SLC6A2: variants seen among roughly 807,000 people sequenced by gnomAD.
SLC6A2 encodes the protein sodium-dependent noradrenaline transporter.
In SLC6A2, 26 loss-of-function variants were observed where a neutral mutation model predicts 71.7. The ratio of observed to expected loss-of-function variants is 0.36; its 90% confidence interval spans 0.27 to 0.50. The LOEUF (loss-of-function observed/expected upper bound fraction) is 0.50, where lower values mean the gene tolerates loss of function less well. SLC6A2 is among the 20% of genes least tolerant of loss of function. The pLI is 0.96. For missense variants in SLC6A2, 581 were observed against 803.9 expected (o/e 0.72, Z 3.35); for synonymous variants, 363 against 337.9 (o/e 1.07, Z -0.82).
At chr16:55,659,948 G>C (rs12927829) in intron 2 of SLC6A2, among the ~76,000 whole-genome samples, 13,731 of 151,824 alleles carry the variant, frequency 0.09, 760 homozygotes, top group Non-Finnish European at 0.12. Flanking sequence ...CTCATGGAGA[G>C]CCTGGCATGG....
At chr16:55,700,416 T>A in intron 13 of SLC6A2, 110 bp downstream of exon 13, 2 of 981,152 alleles carry the variant, frequency 2.0e-6, no homozygotes, top group Non-Finnish European at 3.0e-6. Context: ...ACACAGACAC[T>A]AGGGTCAAAC....
At chr16:55,679,655 A>T (rs747828276) in intron 4 of SLC6A2, among the ~76,000 whole-genome samples, 4 of 152,202 alleles carry the variant, frequency 2.6e-5, no homozygotes, top group Non-Finnish European at 4.4e-5. Flanking sequence ...CAGGATGAGA[A>T]GTTAGCCAGG....
chr16:55,677,279 T>C (rs1162940491), intron 4 of SLC6A2, among the ~76,000 whole-genome samples: 1 of 151,818 alleles, frequency 6.6e-6, no homozygotes, highest in African/African-American at 2.4e-5. Flanking sequence ...GTGGTAAAGA[T>C]AGTGGAGCAG....
intron 2 of SLC6A2, among the ~76,000 whole-genome samples, chr16:55,659,635 T>C (rs1375878097): frequency 6.6e-6 from 1 of 152,190 alleles, no homozygotes; most frequent in Non-Finnish European, 1.5e-5. Flanking sequence ...ATCACAGGAA[T>C]GTGGTAGAAG....
At chr16:55,679,754 C>G (rs1180221703) in intron 4 of SLC6A2, among the ~76,000 whole-genome samples, 1 of 152,172 alleles carries the variant, frequency 6.6e-6, no homozygotes, top group African/African-American at 2.4e-5. Context: ...TAACTGGGGA[C>G]TGACAAGTAG....
rs766245324 is a variant in SLC6A2, at chr16:55,685,161, T to G, written c.663T>G (p.Leu221=). The G allele has an allele frequency of 3.1e-6, 5 of 1,614,188 alleles. No homozygotes were observed. The South Asian group carries it at 4.4e-5, about 14-fold the overall frequency. The part of the protein sequence containing the change: ...AEFYERGVLH[L]HESSGIHDIG... ...TGGGCAGGCGTGGTGTCCTGCACCT[T>G]CACGAGAGCAGCGGGATTCATGACA... The change falls in exon 5 of 15, where the codon CTT becomes CTG. Residue 221 remains leucine (L), a synonymous_variant. Coordinates refer to ENST00000568943, the MANE Select transcript of SLC6A2 (RefSeq NM_001172501.3).
chr16:55,699,514 A>G (rs1271083733), intron 11 of SLC6A2, 40 bp from the exon 12 acceptor site: 1 of 1,530,262 alleles, frequency 6.5e-7, no homozygotes, highest in East Asian at 2.3e-5. Flanking sequence ...CCTGGCTATC[A>G]TGGGGGCCAT....
intron 5 of SLC6A2, among the ~76,000 whole-genome samples, chr16:55,689,452 A>AT (rs1459718107): frequency 6.6e-6 from 1 of 152,228 alleles, no homozygotes; most frequent in Non-Finnish European, 1.5e-5. Context: ...AACATGGCCA[A>AT]TGCAGGACCA....
At chr16:55,665,933 C>T (rs1964737666) in intron 2 of SLC6A2, among the ~76,000 whole-genome samples, 1 of 152,218 alleles carries the variant, frequency 6.6e-6, no homozygotes, top group African/African-American at 2.4e-5. Context: ...TTCAGAGTTT[C>T]TTTCATGGTC....
chr16:55,657,609 C>T (rs1964494806), intron 2 of SLC6A2, among the ~76,000 whole-genome samples: 1 of 152,128 alleles, frequency 6.6e-6, no homozygotes, highest in Non-Finnish European at 1.5e-5. Context: ...CCAGTAGGTG[C>T]CAAGAACTGG....
rs1966004216 is a variant in SLC6A2 at position 55,702,519 on chromosome 16, T to G, written c.*173T>G. On this transcript the variant is annotated 3_prime_UTR_variant, in exon 15 of 15. Transcript: ENST00000568943. ...TCGTGACTGTAGTTTTTGTTCACCT[T>G]CTGTGCATCTGGCCTGGGGGCTGTT... The G allele has an allele frequency of 6.6e-7, 1 of 1,515,508 alleles. No homozygotes were observed. Among genetic ancestry groups the G allele is most frequent in the Admixed American group, 2.0e-5 (1 of 49,524 alleles). 93.9% of individuals were successfully genotyped at this position (1,515,508 alleles called of 1,614,324 possible). A position where few individuals can be genotyped will look rare whatever the true frequency, so the allele number is the denominator to read the frequency against.
At chr16:55,664,322 G>A (rs542600015) in intron 2 of SLC6A2, among the ~76,000 whole-genome samples, 1 of 152,238 alleles carries the variant, frequency 6.6e-6, no homozygotes, top group South Asian at 2.1e-4. Context: ...TAGGTAATGG[G>A]GCTGGCTGTG....
Position 55,695,632 on chromosome 16 carries a change from C to T in SLC6A2, c.1147+230C>T, listed in dbSNP as rs77989034. Among the ~76,000 whole-genome samples, 440 of 152,288 alleles carry T rather than the reference C, an allele frequency of 2.9e-3. 1 individual carries two copies. Among genetic ancestry groups the T allele is most frequent in the African/African-American group, 0.01 (424 of 41,556 alleles). The stretch of plus-strand genomic sequence containing the variant: ...TTCCTCTGAGTCAGGGTGGAAGGAA[C>T]GGATTTTGGACTGTCCTCTCTGTAC... On this transcript the variant is annotated intron_variant, in intron 8 of 14. Transcript: ENST00000568943.
In SLC6A2 at chr16:55,706,126, T is replaced by G. The variant is rs1479252730; in HGVS notation, c.*3780T>G. On this transcript the variant is annotated 3_prime_UTR_variant, in exon 15 of 15. Transcript: ENST00000568943. The stretch of plus-strand genomic sequence containing the variant: ...CAGATTTCTGTGTCTGATATGGATT[T>G]TAAAAGTTGTTCTCTTTGTGGAATA... 6.6e-6 allele frequency: 1 copy of G among 152,286 alleles called. No homozygotes were observed. Among genetic ancestry groups the G allele is most frequent in the African/African-American group, 2.4e-5 (1 of 41,470 alleles). 9.4% of individuals were successfully genotyped at this position (152,286 alleles called of 1,614,324 possible). A position where few individuals can be genotyped will look rare whatever the true frequency, so the allele number is the denominator to read the frequency against.
At chr16:55,677,389 T>G (rs1264466986) in intron 4 of SLC6A2, among the ~76,000 whole-genome samples, 1 of 152,188 alleles carries the variant, frequency 6.6e-6, no homozygotes, top group Non-Finnish European at 1.5e-5. Context: ...ACCCTTGTTT[T>G]ACAAATTAAA....
chr16:55,695,478 G>C, intron 8 of SLC6A2, 76 bp downstream of exon 8: 1 of 1,515,148 alleles, frequency 6.6e-7, no homozygotes, highest in Non-Finnish European at 9.1e-7. Flanking sequence ...TGGCTGCATG[G>C]CTCTTCCGTG....
At position 55,705,119 on chromosome 16, in the gene SLC6A2, AT is replaced by A; in HGVS notation, c.*2778del. 1.0e-6 allele frequency: 1 copy of A among 984,868 alleles called. No homozygotes were observed. The highest frequency in any genetic ancestry group is 2.0e-5 in the Admixed American group (1 of 48,956). 61.0% of individuals were successfully genotyped at this position (984,868 alleles called of 1,614,324 possible). On this transcript the variant is annotated 3_prime_UTR_variant, in exon 15 of 15. Transcript: ENST00000568943. ...TTTTTCAGGTTTTTAAAGAATTATT[AT>A]TTTTCATGAAATGTAAAATATCAGT...
chr16:55,658,874 A>G (rs538376176), intron 2 of SLC6A2, among the ~76,000 whole-genome samples: 3 of 152,306 alleles, frequency 2.0e-5, no homozygotes, highest in African/African-American at 7.2e-5. Flanking sequence ...CCAGAGGTGA[A>G]ACTTTCCCAC....
In SLC6A2 at chr16:55,671,946, T is replaced by C; in HGVS notation, c.415T>C (p.Tyr139His). The C allele has an allele frequency of 3.1e-6, 5 of 1,614,158 alleles. No individual in the cohort carries two copies. Among genetic ancestry groups the C allele is most frequent in the Non-Finnish European group, 4.2e-6 (5 of 1,180,016 alleles). ...KICPFFKGVG[Y>H]AVILIALYVG... ...CCCCTGTCCCTGCCCAGGCGTTGGC[T>C]ATGCTGTCATCCTGATCGCCCTGTA... Residue 139 changes from tyrosine to histidine, a missense_variant, in exon 4 of 15, where the codon TAT (tyrosine) becomes CAT (histidine). Tyr to His is a moderately conservative substitution (Grantham distance 83). Around this residue, in one of 5 missense-constraint regions of SLC6A2, gnomAD observed 81 missense variants for 152.4 expected, o/e 0.53. Coordinates refer to ENST00000568943, the MANE Select transcript of SLC6A2 (RefSeq NM_001172501.3).
Sources: gnomAD v4.1 joint callset for allele counts (sites outside exome capture counted in the v4.1 genomes callset) on GRCh38, gnomAD v4.1.1 for gene constraint, gnomAD v4.1.1 regional missense constraint, MANE v1.5 for transcripts, NCBI Gene and HGNC (gene_info 2026-07-23, HGNC 2026-07-21) for gene names.